POLK: variants seen among roughly 807,000 people sequenced by gnomAD.
POLK encodes DNA polymerase kappa.
Under a neutral mutation model 94.0 loss-of-function variants are expected in POLK, and 76 were observed. That is an observed-to-expected ratio of 0.81 (90% CI 0.67 to 0.98). POLK has a LOEUF of 0.98. Among genes scored for constraint, POLK ranks in the 50% least tolerant of loss-of-function variants. The pLI is 0.00. For synonymous variants in POLK, 349 were observed against 325.4 expected, an observed-to-expected ratio of 1.07 and a Z score of -0.78; for missense variants, 954 against 1,010.1, an observed-to-expected ratio of 0.94 and a Z score of 0.75.
At chr5:75,597,950 A>G (rs868549581) in exon 15 of POLK, 13 of 1,496,354 alleles carry the variant, frequency 8.7e-6, no homozygotes, top group Non-Finnish European at 1.1e-5. Flanking sequence ...ATTGATGACA[A>G]AGTACTCAAC....
intron 1 of POLK, among the ~76,000 whole-genome samples, chr5:75,535,460 G>A (rs1323755586): frequency 1.3e-5 from 2 of 152,088 alleles, no homozygotes; most frequent in African/African-American, 4.8e-5. Context: ...TTTCACAGGG[G>A]TTCTCTGCAT....
chr5:75,571,445 C>T (rs1228664966), intron 4 of POLK, among the ~76,000 whole-genome samples: 1 of 152,144 alleles, frequency 6.6e-6, no homozygotes, highest in East Asian at 1.9e-4. Flanking sequence ...AATTTATTTG[C>T]TCATGATTCT....
chr5:75,537,553 A>G (rs1769506315), intron 1 of POLK, among the ~76,000 whole-genome samples: 1 of 152,160 alleles, frequency 6.6e-6, no homozygotes, highest in Non-Finnish European at 1.5e-5. Context: ...TCTCTGTGAG[A>G]GCAATGCGCA....
intron 1 of POLK, among the ~76,000 whole-genome samples, chr5:75,527,124 TAAA>T (rs1441034635): frequency 6.6e-6 from 1 of 152,150 alleles, no homozygotes; most frequent in Non-Finnish European, 1.5e-5. Flanking sequence ...AGTCATTACA[TAAA>T]AAAGTCTCCA....
At chr5:75,584,978 C>A (rs751210442) in intron 9 of POLK, 52 bp downstream of exon 9, 6 of 1,161,340 alleles carry the variant, frequency 5.2e-6, no homozygotes, top group South Asian at 1.3e-5. Context: ...GCTGCAATAT[C>A]AGTTTTAACC....
At chr5:75,556,482 A>G (rs1770625317) in intron 3 of POLK, among the ~76,000 whole-genome samples, 2 of 152,154 alleles carry the variant, frequency 1.3e-5, no homozygotes, top group African/African-American at 4.8e-5. Flanking sequence ...TTCTATTGAC[A>G]GTATCTTTCA....
At chr5:75,546,988 GT>G in intron 1 of POLK, 21 bp from the exon 2 acceptor site, 1 of 1,368,674 alleles carries the variant, frequency 7.3e-7, no homozygotes, top group South Asian at 1.6e-5. Flanking sequence ...TAAAAGCAGT[GT>G]TTATCTTTAT....
chr5:75,569,267 G>C (rs1771453323), intron 3 of POLK, 73 bp from the exon 4 acceptor site: 2 of 988,488 alleles, frequency 2.0e-6, no homozygotes, highest in Non-Finnish European at 3.0e-6. Flanking sequence ...AATAAATTAA[G>C]ATTAATGTTG....
At chr5:75,605,958 G>C (rs62366610), downstream of POLK, among the ~76,000 whole-genome samples, 1 of 139,944 alleles carries the variant, frequency 7.1e-6, no homozygotes, top group East Asian at 2.1e-4. Flanking sequence ...GGGAACCAGC[G>C]TTCAGCATAT....
exon 15 of POLK, chr5:75,600,252 G>A (rs1773267354): frequency 6.6e-6 from 1 of 152,092 alleles, no homozygotes; most frequent in African/African-American, 2.4e-5. Context: ...ATTAATATTT[G>A]AGAAGTAAAA....
chr5:75,532,595 A>T (rs181590481), intron 1 of POLK, among the ~76,000 whole-genome samples: 1 of 152,190 alleles, frequency 6.6e-6, no homozygotes, highest in South Asian at 2.1e-4. Context: ...TCCTTTGGAT[A>T]TATACCTAGT....
Position 75,582,122 on chromosome 5 carries a change from A to G in POLK, c.934+674A>G, listed in dbSNP as rs1011810905. On this transcript the variant is annotated intron_variant, in intron 7 of 14. Transcript: ENST00000241436. ...GCAGGAGAGAACCCAGACGGCCACA[A>G]GGTAAGAGACAAAAGAAATACTAAC... is the stretch of plus-strand genomic sequence containing the variant. 9.1e-6 allele frequency: 9 copies of G among 987,408 alleles called. No individual in the cohort carries two copies. The South Asian group carries it at 3.7e-4, about 41-fold the overall frequency. 61.2% of individuals were successfully genotyped at this position (987,408 alleles called of 1,614,324 possible). A position where few individuals can be genotyped will look rare whatever the true frequency, so the allele number is the denominator to read the frequency against.
At chr5:75,563,200 G>C (rs1462504287) in intron 3 of POLK, among the ~76,000 whole-genome samples, 4 of 152,114 alleles carry the variant, frequency 2.6e-5, no homozygotes, top group Non-Finnish European at 1.5e-5. Flanking sequence ...AACCGCAGGT[G>C]ATCTGCCCGC....
At chr5:75,563,917 G>A (rs562002593) in intron 3 of POLK, among the ~76,000 whole-genome samples, 1 of 152,214 alleles carries the variant, frequency 6.6e-6, no homozygotes, top group Admixed American at 6.5e-5. Flanking sequence ...GGTCTGCTTG[G>A]TCCAGAGCTG....
At chr5:75,544,280 C>T (rs770409612) in intron 1 of POLK, among the ~76,000 whole-genome samples, 11 of 152,094 alleles carry the variant, frequency 7.2e-5, no homozygotes, top group Non-Finnish European at 1.3e-4. Flanking sequence ...TCAGCTATTT[C>T]GGAGGCTGAG....
intron 4 of POLK, among the ~76,000 whole-genome samples, chr5:75,571,744 A>G (rs1207932490): frequency 6.6e-6 from 1 of 152,190 alleles, no homozygotes; most frequent in African/African-American, 2.4e-5. Flanking sequence ...TATCAAGGCA[A>G]GTCACGTGGC....
intron 3 of POLK, among the ~76,000 whole-genome samples, chr5:75,562,172 C>T (rs922750801): frequency 4.2e-4 from 64 of 152,128 alleles, no homozygotes; most frequent in African/African-American, 1.5e-3. Flanking sequence ...TTTGTGTCCT[C>T]CTTTATTTGC....
exon 4 of POLK, chr5:75,569,429 A>G: frequency 1.2e-6 from 2 of 1,613,704 alleles, no homozygotes; most frequent in Non-Finnish European, 1.7e-6. Context: ...ATGCAGCTGT[A>G]GAAATGAGGG....
At chr5:75,576,327 A>G (rs1439601477) in intron 5 of POLK, among the ~76,000 whole-genome samples, 1 of 152,198 alleles carries the variant, frequency 6.6e-6, no homozygotes, top group Non-Finnish European at 1.5e-5. Context: ...CTAAAGCAAC[A>G]TAGTACCTTT....
Sources: gnomAD v4.1 joint callset for allele counts (sites outside exome capture counted in the v4.1 genomes callset) on GRCh38, gnomAD v4.1.1 for gene constraint, MANE v1.5 for transcripts, NCBI Gene and HGNC (gene_info 2026-07-23, HGNC 2026-07-21) for gene names.